COL5A3: variants seen among roughly 807,000 people sequenced by gnomAD.
COL5A3 encodes the protein collagen alpha-3(V) chain.
COL5A3 carries 172 observed loss-of-function variants against 250.0 expected under a neutral mutation model. The observed-to-expected ratio is 0.69, with a 90% CI of 0.61 to 0.78. The LOEUF is 0.78. Among genes scored for constraint, COL5A3 ranks in the 30% least tolerant of loss-of-function variants. The pLI is 0.00. For missense variants in COL5A3, 2,340 were observed against 2,334.4 expected (o/e 1.00, Z -0.05); for synonymous variants, 937 against 900.4 (o/e 1.04, Z -0.73).
At chr19:9,981,633 C>A (rs2087010780) in intron 32 of COL5A3, among the ~76,000 whole-genome samples, 1 of 152,198 alleles carries the variant, frequency 6.6e-6, no homozygotes, top group East Asian at 1.9e-4. Context: ...CACATAGCAA[C>A]ACAAATACAA....
intron 8 of COL5A3, among the ~76,000 whole-genome samples, chr19:9,998,413 C>T (rs1295593154): frequency 1.3e-5 from 2 of 152,182 alleles, no homozygotes; most frequent in Non-Finnish European, 2.9e-5. Flanking sequence ...CTGCCTCTTA[C>T]TAACTGAGTG....
chr19:9,979,914 A>T lies in COL5A3; in HGVS notation c.2659-22T>A, dbSNP rs1599546244. The T allele has an allele frequency of 2.5e-6, 4 of 1,570,670 alleles. No homozygotes were observed. In the East Asian group the frequency reaches 9.1e-5, roughly 36 times the overall value. On this transcript the variant is annotated intron_variant, in intron 36 of 66. Transcript: ENST00000264828. Reference sequence around the variant, plus strand: ...GACCCTGGGGGATGAGGTGGGAAAAAGTTGGGGCACAGATACAGGGCTTCC... The same window carrying T: ...GACCCTGGGGGATGAGGTGGGAAAATGTTGGGGCACAGATACAGGGCTTCC...
intron 51 of COL5A3, among the ~76,000 whole-genome samples, chr19:9,972,417 T>TCACTCATTCATACATTCATC (rs1333083872): frequency 1.3e-5 from 2 of 152,218 alleles, no homozygotes; most frequent in African/African-American, 2.4e-5. Flanking sequence ...ATTCATTAAT[T>TCACTCATTCATACATTCATC]CACTCATTCA....
chr19:9,964,945 A>C (rs1011729764), intron 64 of COL5A3, among the ~76,000 whole-genome samples: 1 of 134,726 alleles, frequency 7.4e-6, no homozygotes, highest in African/African-American at 2.8e-5. Flanking sequence ...GCTCCTGGGG[A>C]GGCTGAGGCA....
chr19:9,968,970 A>T lies in COL5A3; in HGVS notation c.4153-242T>A, dbSNP rs1257780804. 3.3e-6 allele frequency: 2 copies of T among 602,448 alleles called. No individual in the cohort carries two copies. The highest frequency in any genetic ancestry group is 1.9e-5 in the African/African-American group (1 of 53,600). 37.3% of individuals were successfully genotyped at this position (602,448 alleles called of 1,614,324 possible). ...AGGTCAGCGTGGGTGATCAGTGTAGACCATTAAGATGGAGAGTCAGTGCAG... is the reference window on the plus strand; with the variant it reads ...AGGTCAGCGTGGGTGATCAGTGTAGTCCATTAAGATGGAGAGTCAGTGCAG... On this transcript the variant is annotated intron_variant, in intron 57 of 66. Coordinates refer to ENST00000264828, the MANE Select transcript of COL5A3 (RefSeq NM_015719.4). This position sits in a 1 kb window ranked among gnomAD's most constrained non-coding sequence, Gnocchi z 4.1.
rs564543015 is a variant in COL5A3, at chr19:9,999,569, G to T, written c.1111-1420C>A. Among the ~76,000 whole-genome samples the T allele has an allele frequency of 4.1e-5, 6 of 146,764 alleles. No homozygotes were observed. In the South Asian group the frequency reaches 1.1e-3, roughly 26 times the overall value. ...TGCAAGCTCCGCCTCCCGGGTTCAC[G>T]CCATTCTGCCTCAGCCTCCCGAGAA... On this transcript the variant is annotated intron_variant, in intron 8 of 66. Transcript: ENST00000264828.
At chr19:9,983,584 GA>G (rs1272888594) in intron 31 of COL5A3, among the ~76,000 whole-genome samples, 1 of 90,758 alleles carries the variant, frequency 1.1e-5, no homozygotes, top group Non-Finnish European at 2.3e-5. Context: ...AAGAAAGAAA[GA>G]AAGAAAGAAA....
chr19:9,978,110 G>A (rs2086950684), intron 41 of COL5A3, among the ~76,000 whole-genome samples: 1 of 151,592 alleles, frequency 6.6e-6, no homozygotes, highest in Non-Finnish European at 1.5e-5. Context: ...CCTGGCCCAA[G>A]AAAAGGGGTT....
At chr19:9,969,733 C>T (rs908461867) in intron 55 of COL5A3, 51 bp from the exon 56 acceptor site, 5 of 1,581,248 alleles carry the variant, frequency 3.2e-6, no homozygotes, top group African/African-American at 2.7e-5. Flanking sequence ...GTTCCTGCCT[C>T]CTGACCCCTG....
intron 16 of COL5A3, among the ~76,000 whole-genome samples, chr19:9,994,915 A>AT (rs1463122865): frequency 6.6e-6 from 1 of 151,462 alleles, no homozygotes; most frequent in Non-Finnish European, 1.5e-5. Context: ...TTATTTATTT[A>AT]TTATTATTAT....
intron 1 of COL5A3, among the ~76,000 whole-genome samples, chr19:10,007,964 A>ATC (rs142748775): frequency 4.2e-5 from 6 of 143,432 alleles, no homozygotes; most frequent in African/African-American, 7.8e-5. Flanking sequence ...TCTCTTCTCA[A>ATC]TCTCTCTCTC....
intron 1 of COL5A3, 73 bp from the exon 2 acceptor site, chr19:10,006,304 A>G: frequency 1.4e-6 from 2 of 1,415,992 alleles, no homozygotes; most frequent in Non-Finnish European, 1.9e-6. Flanking sequence ...ACTCCAGGAT[A>G]GAGGCTCAGG....
rs777883527 is a variant in COL5A3 at position 9,967,464 on chromosome 19, CACAA to C, written c.4405-68_4405-65del. On this transcript the variant is annotated intron_variant, in intron 61 of 66. Coordinates refer to ENST00000264828, the MANE Select transcript of COL5A3 (RefSeq NM_015719.4). ...TGGAGACCCTTCCCACCAACATACA[CACAA>C]ACACACACACACACTCACACACACA... The C allele has an allele frequency of 1.1e-4, 116 of 1,057,382 alleles. No homozygotes were observed. The East Asian group carries it at 3.3e-3, about 30-fold the overall frequency. The allele number at this position is 1,057,382 out of a possible 1,614,324, so 65.5% of individuals were successfully genotyped here. A position where few individuals can be genotyped will look rare whatever the true frequency, so the allele number is the denominator to read the frequency against.
chr19:10,000,107 T>TA (rs113602459), intron 8 of COL5A3, among the ~76,000 whole-genome samples: 16,860 of 150,466 alleles, frequency 0.11, 973 homozygotes, highest in Middle Eastern at 0.14. Context: ...GCCCTTAACA[T>TA]AAAAAAAAAG....
intron 57 of COL5A3, 52 bp downstream of exon 57, chr19:9,969,297 T>G: frequency 6.7e-7 from 1 of 1,488,372 alleles, no homozygotes; most frequent in Non-Finnish European, 9.1e-7. Flanking sequence ...GGTCACTAGG[T>G]GCCCAGAGTG....
chr19:9,962,721 A>C, intron 65 of COL5A3, 98 bp downstream of exon 65: 17 of 866,724 alleles, frequency 2.0e-5, no homozygotes, highest in Non-Finnish European at 2.8e-5. Context: ...AGGAAAGCCT[A>C]TCCTCTTCAT....
intron 65 of COL5A3, among the ~76,000 whole-genome samples, chr19:9,961,520 A>G (rs932891065): frequency 1.0e-4 from 15 of 146,694 alleles, no homozygotes; most frequent in African/African-American, 3.0e-4. Context: ...GCACACCACC[A>G]TGCCTGGCTG....
rs1333832979 is a variant in COL5A3, at chr19:10,002,020, AT to A, written c.850-140del. The stretch of plus-strand genomic sequence containing the variant: ...GCTCCCCAAAGAGCACCAGAGGCCA[AT>A]GGAGACAAAAGTGTGCCAGCTGGAC... On this transcript the variant is annotated intron_variant, in intron 6 of 66. Coordinates refer to ENST00000264828, the MANE Select transcript of COL5A3 (RefSeq NM_015719.4). 1.1e-5 allele frequency: 7 copies of A among 621,714 alleles called. No individual in the cohort carries two copies. In the Admixed American group the frequency reaches 1.2e-4, roughly 11 times the overall value. The allele number at this position is 621,714 out of a possible 1,614,324, so 38.5% of individuals were successfully genotyped here. A position where few individuals can be genotyped will look rare whatever the true frequency, so the allele number is the denominator to read the frequency against.
chr19:9,970,181 G>C (rs1333037288), intron 54 of COL5A3, among the ~76,000 whole-genome samples: 1 of 105,324 alleles, frequency 9.5e-6, no homozygotes, highest in Non-Finnish European at 2.0e-5. Flanking sequence ...GGGTCTGTGG[G>C]TGAGTGGGGT....
Sources: gnomAD v4.1 joint callset for allele counts (sites outside exome capture counted in the v4.1 genomes callset) on GRCh38, gnomAD v4.1.1 for gene constraint, Gnocchi (gnomAD v3.1) non-coding constraint, MANE v1.5 for transcripts, NCBI Gene and HGNC (gene_info 2026-07-23, HGNC 2026-07-21) for gene names.